The following SAMM50 variants were observed in gnomAD, a reference collection of about 807,000 sequenced individuals.
The protein encoded by SAMM50 is sorting and assembly machinery component 50 homolog.
In SAMM50, 47 loss-of-function variants were observed where a neutral mutation model predicts 66.9. The observed-to-expected ratio is 0.70, with a 90% CI of 0.56 to 0.90. The LOEUF is 0.90. Among genes scored for constraint, SAMM50 ranks in the 40% least tolerant of loss-of-function variants. The pLI, the probability that SAMM50 is intolerant of heterozygous loss-of-function variation, is 0.00. For missense variants in SAMM50, 535 were observed against 595.3 expected (o/e 0.90, Z 1.05); for synonymous variants, 191 against 214.1 (o/e 0.89, Z 0.94).
At chr22:43,974,023 G>A (rs1190279853) in intron 7 of SAMM50, among the ~76,000 whole-genome samples, 3 of 91,800 alleles carry the variant, frequency 3.3e-5, no homozygotes, top group Non-Finnish European at 6.5e-5. Flanking sequence ...ATGATAACCT[G>A]CTTTTTTTTT....
At chr22:43,955,993 G>T (rs1161492796) in intron 1 of SAMM50, among the ~76,000 whole-genome samples, 1 of 152,200 alleles carries the variant, frequency 6.6e-6, no homozygotes, top group Non-Finnish European at 1.5e-5. Flanking sequence ...AGAGCAACAA[G>T]AATCCTTTGA....
At chr22:43,993,531 A>C (rs1294580902) in intron 14 of SAMM50, among the ~76,000 whole-genome samples, 6 of 152,282 alleles carry the variant, frequency 3.9e-5, no homozygotes, top group African/African-American at 1.4e-4. Flanking sequence ...GGGAGGAAGC[A>C]GCATCCTAAG....
intron 1 of SAMM50, 23 bp from the exon 2 acceptor site, chr22:43,963,263 T>G: frequency 6.9e-7 from 1 of 1,455,926 alleles, no homozygotes; most frequent in Non-Finnish European, 9.5e-7. Context: ...GTCATTTATC[T>G]GTGGTCGCTC....
At chr22:43,976,858 G>A (rs753961249) in intron 9 of SAMM50, 37 bp downstream of exon 9, 3 of 1,500,858 alleles carry the variant, frequency 2.0e-6, no homozygotes, top group Admixed American at 1.8e-5. Context: ...GCAGGGTGAG[G>A]GGAGCCAAAC....
rs371516294 is a variant in SAMM50 at position 43,992,240 on chromosome 22, C to T, written c.1364+1834C>T. Among the ~76,000 whole-genome samples the T allele has an allele frequency of 2.2e-4, 33 of 152,334 alleles. No homozygotes were observed. In the East Asian group the frequency reaches 3.9e-3, roughly 18 times the overall value. ...GTGCTTTGTAAAGGGGAGCCGCATT[C>T]GCAAGTGTTTCTGAGCATCGCCTCT... is the stretch of plus-strand genomic sequence containing the variant. On this transcript the variant is annotated intron_variant, in intron 14 of 14. Transcript: ENST00000350028.
chr22:43,955,448 C>A lies in SAMM50; in HGVS notation c.-130C>A. The A allele has an allele frequency of 9.2e-7, 1 of 1,083,512 alleles. No individual in the cohort carries two copies. Among genetic ancestry groups the A allele is most frequent in the Non-Finnish European group, 1.4e-6 (1 of 734,726 alleles). 67.1% of individuals were successfully genotyped at this position (1,083,512 alleles called of 1,614,324 possible). Reference sequence around the variant, plus strand: ...GGGAATCATGGCCGCCCCCAGTGTTCCGCGTCCGGGGGTTTGTGGGAGTTG... The same window carrying A: ...GGGAATCATGGCCGCCCCCAGTGTTACGCGTCCGGGGGTTTGTGGGAGTTG... On this transcript the variant is annotated 5_prime_UTR_variant, in exon 1 of 15. Transcript: ENST00000350028.
chr22:43,964,626 C>G (rs991188852), intron 3 of SAMM50, 73 bp downstream of exon 3: 1 of 824,322 alleles, frequency 1.2e-6, no homozygotes, highest in Non-Finnish European at 2.0e-6. Flanking sequence ...CATGTGAAAC[C>G]ACAGAGCACC....
intron 11 of SAMM50, among the ~76,000 whole-genome samples, chr22:43,981,913 T>C (rs888845310): frequency 6.6e-6 from 1 of 152,238 alleles, no homozygotes; most frequent in African/African-American, 2.4e-5. Flanking sequence ...GTAAATAACA[T>C]TGTAAATAAT....
chr22:43,970,221 G>T (rs557733549), intron 4 of SAMM50, among the ~76,000 whole-genome samples: 2 of 151,766 alleles, frequency 1.3e-5, no homozygotes, highest in Non-Finnish European at 2.9e-5. Flanking sequence ...GTGGTTTCCT[G>T]TGGTTCCCTG....
chr22:43,979,117 A>G (rs2050249372), intron 10 of SAMM50, among the ~76,000 whole-genome samples: 1 of 150,044 alleles, frequency 6.7e-6, no homozygotes, highest in South Asian at 2.1e-4. Context: ...GCGCTCTTCC[A>G]CTCCTCAGTT....
rs373478106 is a variant in SAMM50, at chr22:43,955,568, A to C, written c.-10A>C. On this transcript the variant is annotated 5_prime_UTR_variant, in exon 1 of 15. Coordinates refer to ENST00000350028, the MANE Select transcript of SAMM50 (RefSeq NM_015380.5). ...GGCAGCTCTGCGAGGCAGCGGCTGG[A>C]GAGGGAACCATGGGGACTGTGCACG... The C allele has an allele frequency of 2.0e-5, 32 of 1,600,060 alleles. No individual in the cohort carries two copies. Among genetic ancestry groups the C allele is most frequent in the Admixed American group, 1.7e-5 (1 of 58,294 alleles).
At position 43,983,457 on chromosome 22, in the gene SAMM50, T is replaced by C. The variant is rs1006997557; in HGVS notation, c.1008-476T>C. On this transcript the variant is annotated intron_variant, in intron 11 of 14. Coordinates refer to ENST00000350028, the MANE Select transcript of SAMM50 (RefSeq NM_015380.5). The surrounding 1 kb of genome is among the most constrained non-coding windows in gnomAD (Gnocchi z 4.2). ...AAGAGGAGCTCATATTTAAAAATTA[T>C]AAACCTAACAAGAATTCTTTTTTGG... 6.6e-5 allele frequency among the ~76,000 whole-genome samples: 10 copies of C among 152,238 alleles called. No homozygotes were observed. The highest frequency in any genetic ancestry group is 7.3e-5 in the Non-Finnish European group (5 of 68,040).
intron 12 of SAMM50, chr22:43,986,885 C>T (rs1040900823): frequency 6.6e-6 from 1 of 152,144 alleles, no homozygotes; most frequent in Non-Finnish European, 1.5e-5. Context: ...TTGTTGCTTC[C>T]ATTTTTATGT....
rs192830554 is a variant in SAMM50, at chr22:43,965,398, G to A, written c.234+845G>A. 4.1e-4 allele frequency among the ~76,000 whole-genome samples: 62 copies of A among 152,010 alleles called. 1 individual carries two copies. Among genetic ancestry groups the A allele is most frequent in the Admixed American group, 3.8e-3 (58 of 15,260 alleles). Reference sequence around the variant, plus strand: ...TTTTGTTGTATTTTTAGTAGAGATGGGGCTTTGTCATGTTGGCCAGGCTGG... The same window carrying A: ...TTTTGTTGTATTTTTAGTAGAGATGAGGCTTTGTCATGTTGGCCAGGCTGG... On this transcript the variant is annotated intron_variant, in intron 3 of 14. Coordinates refer to ENST00000350028, the MANE Select transcript of SAMM50 (RefSeq NM_015380.5).
At position 43,957,268 on chromosome 22, in the gene SAMM50, C is replaced by T. The variant is rs912970999; in HGVS notation, c.21+1670C>T. The T allele has an allele frequency of 4.1e-5, 27 of 657,992 alleles. 1 individual carries two copies. The African/African-American group carries it at 4.3e-4, about 11-fold the overall frequency. The allele number at this position is 657,992 out of a possible 1,614,324, so 40.8% of individuals were successfully genotyped here. A position where few individuals can be genotyped will look rare whatever the true frequency, so the allele number is the denominator to read the frequency against. ...GGCCCACAGAAACAATGGCATGATT[C>T]GTGCCAAATTCTGAAGCAATCTTCC... On this transcript the variant is annotated intron_variant, in intron 1 of 14. Coordinates refer to ENST00000350028, the MANE Select transcript of SAMM50 (RefSeq NM_015380.5).
intron 4 of SAMM50, among the ~76,000 whole-genome samples, chr22:43,971,952 TCCTC>T (rs1229656853): frequency 6.6e-6 from 1 of 152,170 alleles, no homozygotes; most frequent in Non-Finnish European, 1.5e-5. Flanking sequence ...TCCCACCTTG[TCCTC>T]CCAAAGCACT....
chr22:43,966,297 C>T (rs895733381), intron 3 of SAMM50, among the ~76,000 whole-genome samples: 20 of 151,890 alleles, frequency 1.3e-4, no homozygotes, highest in African/African-American at 4.6e-4. Flanking sequence ...TCAAAGTGTG[C>T]GCACTCTGCA....
rs8138476 is a variant in SAMM50 at position 43,961,284 on chromosome 22, C to T, written c.22-2002C>T. ...CTGATTTGTAAGAATCGCTTGGTGC[C>T]ACACTAGACCTTCTGTGTCCATCTC... On this transcript the variant is annotated intron_variant, in intron 1 of 14. Transcript: ENST00000350028. Among the ~76,000 whole-genome samples, 1,060 of 151,902 alleles carry T rather than the reference C, an allele frequency of 7.0e-3. 8 individuals carry two copies. Among genetic ancestry groups the T allele is most frequent in the African/African-American group, 0.025 (1,015 of 41,214 alleles).
intron 14 of SAMM50, 152 bp from the exon 15 acceptor site, chr22:43,996,186 C>A: frequency 1.3e-6 from 1 of 791,568 alleles, no homozygotes; most frequent in East Asian, 2.4e-5. Context: ...GCAGCCGGGG[C>A]CGGTGAGGGT....
Sources: allele counts gnomAD v4.1 joint callset (sites outside exome capture counted in the v4.1 genomes callset), GRCh38; gene constraint gnomAD v4.1.1; non-coding constraint Gnocchi (gnomAD v3.1); transcripts MANE v1.5; gene names NCBI Gene and HGNC (gene_info 2026-07-23, HGNC 2026-07-21).